Variants in KSR2 observed in about 807,000 individuals in gnomAD.
KSR2 encodes the protein kinase suppressor of ras 2.
KSR2 carries 25 observed loss-of-function variants against 107.8 expected under a neutral mutation model. The observed-to-expected ratio is 0.23, with a 90% CI of 0.17 to 0.32. The LOEUF (loss-of-function observed/expected upper bound fraction) is 0.32. Ranked by LOEUF, KSR2 falls within the 10% of genes least tolerant of loss-of-function variation. The pLI is 1.00. For missense variants in KSR2, 887 were observed against 1,268.9 expected, an observed-to-expected ratio of 0.70 and a Z score of 4.57; for synonymous variants, 480 against 507.0, an observed-to-expected ratio of 0.95 and a Z score of 0.71.
chr12:117,703,147 G>A (rs1469318441), intron 4 of KSR2, among the ~76,000 whole-genome samples: 1 of 152,190 alleles, frequency 6.6e-6, no homozygotes, highest in Non-Finnish European at 1.5e-5. Flanking sequence ...AAGGCAGATG[G>A]CTCTGGAGTC....
intron 3 of KSR2, among the ~76,000 whole-genome samples, chr12:117,824,948 G>T (rs1566033917): frequency 6.6e-6 from 1 of 152,014 alleles, no homozygotes; most frequent in Non-Finnish European, 1.5e-5. Flanking sequence ...GGGAGGCTGA[G>T]GTGGGTGGAT....
intron 4 of KSR2, among the ~76,000 whole-genome samples, chr12:117,741,497 C>G (rs1888220628): frequency 6.6e-6 from 1 of 152,166 alleles, no homozygotes; most frequent in Non-Finnish European, 1.5e-5. Flanking sequence ...TGCACTCCAG[C>G]CTAGGCGACA....
At chr12:117,585,790 C>G (rs988153686) in intron 5 of KSR2, among the ~76,000 whole-genome samples, 1 of 152,226 alleles carries the variant, frequency 6.6e-6, no homozygotes, top group Non-Finnish European at 1.5e-5. Context: ...TTCTTTTCTA[C>G]TCTAATTTTC....
At chr12:117,951,156 C>A (rs962829017) in intron 1 of KSR2, among the ~76,000 whole-genome samples, 7 of 152,104 alleles carry the variant, frequency 4.6e-5, no homozygotes, top group Non-Finnish European at 8.8e-5. Context: ...GATCCGCCCA[C>A]CTCGGCCTCC....
At chr12:117,950,749 A>ATAAATAAT (rs60499991) in intron 1 of KSR2, among the ~76,000 whole-genome samples, 2 of 132,166 alleles carry the variant, frequency 1.5e-5, no homozygotes, top group African/African-American at 5.8e-5. Flanking sequence ...AAAAAAAAAA[A>ATAAATAAT]AATAATAATA....
intron 10 of KSR2, among the ~76,000 whole-genome samples, chr12:117,537,818 G>A (rs1876156202): frequency 6.6e-6 from 1 of 152,196 alleles, no homozygotes; most frequent in Admixed American, 6.5e-5. Context: ...GAAGACTCTG[G>A]CTGAGGGAAG....
At chr12:117,898,052 T>A (rs1894567337) in intron 1 of KSR2, among the ~76,000 whole-genome samples, 2 of 152,130 alleles carry the variant, frequency 1.3e-5, no homozygotes, top group South Asian at 4.2e-4. Flanking sequence ...CTAAACAGCT[T>A]CCTGTGAACG....
intron 1 of KSR2, 123 bp from the exon 2 acceptor site, chr12:117,860,554 C>T (rs1040777229): frequency 2.4e-5 from 22 of 931,054 alleles, no homozygotes; most frequent in African/African-American, 2.2e-4. Context: ...AGACTGGTTC[C>T]GCTACAGTGA....
chr12:117,539,450 C>T (rs1876303871), intron 10 of KSR2: 1 of 420,626 alleles, frequency 2.4e-6, no homozygotes, highest in Non-Finnish European at 4.1e-6. Flanking sequence ...AGTTCCTGCA[C>T]CTCTTTGAGC....
At chr12:117,575,711 T>C (rs1288355317) in intron 7 of KSR2, among the ~76,000 whole-genome samples, 3 of 152,236 alleles carry the variant, frequency 2.0e-5, no homozygotes, top group Admixed American at 6.5e-5. Context: ...TCCTGAAGCA[T>C]GTCAGATCTT....
At chr12:117,480,050 G>A (rs1872069780) in intron 16 of KSR2, among the ~76,000 whole-genome samples, 1 of 151,984 alleles carries the variant, frequency 6.6e-6, no homozygotes, top group Admixed American at 6.6e-5. Flanking sequence ...GTGTGTGTGT[G>A]TGTGTGTGTG....
chr12:117,581,284 A>C (rs2136241041), intron 6 of KSR2, among the ~76,000 whole-genome samples: 1 of 151,944 alleles, frequency 6.6e-6, no homozygotes, highest in Non-Finnish European at 1.5e-5. Context: ...ATCTCTCCAT[A>C]CTGTCATGGT....
intron 3 of KSR2, among the ~76,000 whole-genome samples, chr12:117,816,333 A>C (rs1891368247): frequency 6.6e-6 from 1 of 152,098 alleles, no homozygotes; most frequent in Non-Finnish European, 1.5e-5. Flanking sequence ...ATCAACCTCC[A>C]GCCATGTGAA....
chr12:117,837,291 T>A (rs1466463666), intron 3 of KSR2, among the ~76,000 whole-genome samples: 2 of 152,126 alleles, frequency 1.3e-5, no homozygotes, highest in East Asian at 3.9e-4. Context: ...ACTCAGTTTT[T>A]CCTTACTTAA....
intron 1 of KSR2, among the ~76,000 whole-genome samples, chr12:117,881,246 A>G (rs1435922515): frequency 6.6e-6 from 1 of 152,222 alleles, no homozygotes; most frequent in Non-Finnish European, 1.5e-5. Context: ...TAATTGGTCC[A>G]GGGTTCAGAT....
At chr12:117,534,538 A>T (rs1187711700) in intron 10 of KSR2, among the ~76,000 whole-genome samples, 1 of 152,040 alleles carries the variant, frequency 6.6e-6, no homozygotes, top group Non-Finnish European at 1.5e-5. Flanking sequence ...ATTTTCATGC[A>T]TATGTTTATT....
At chr12:117,745,105 G>T (rs1306273066) in intron 4 of KSR2, among the ~76,000 whole-genome samples, 1 of 152,170 alleles carries the variant, frequency 6.6e-6, no homozygotes, top group Non-Finnish European at 1.5e-5. Context: ...AGGGTGAAAA[G>T]AGGAGGCAAA....
chr12:117,715,164 G>T (rs918718030), intron 4 of KSR2, among the ~76,000 whole-genome samples: 1 of 151,888 alleles, frequency 6.6e-6, no homozygotes, highest in Non-Finnish European at 1.5e-5. Context: ...CTTATTAAAG[G>T]GCACAGTCTA....
chr12:117,965,562 G>A (rs1896761583), intron 1 of KSR2, among the ~76,000 whole-genome samples: 1 of 152,152 alleles, frequency 6.6e-6, no homozygotes, highest in Admixed American at 6.5e-5. Context: ...ATTAAGTGCT[G>A]TTCATTATCA....
Sources: allele counts gnomAD v4.1 joint callset (sites outside exome capture counted in the v4.1 genomes callset), GRCh38; gene constraint gnomAD v4.1.1; transcripts MANE v1.5; gene names NCBI Gene and HGNC (gene_info 2026-07-23, HGNC 2026-07-21).